CCDC169: variants seen among roughly 807,000 people sequenced by gnomAD.
CCDC169 encodes coiled-coil domain containing 169.
A neutral mutation model predicts 36.0 loss-of-function variants in CCDC169; 30 were observed. That is an observed-to-expected ratio of 0.83 (90% confidence interval 0.62 to 1.13). The LOEUF is 1.13. Among genes scored for constraint, CCDC169 ranks in the 50% most tolerant of loss-of-function variants. The pLI is 0.00. For synonymous variants in CCDC169, 85 were observed against 81.5 expected, an observed-to-expected ratio of 1.04 and a Z score of -0.23; for missense variants, 245 against 245.9, an observed-to-expected ratio of 1.00 and a Z score of 0.03.
chr13:36,238,776 C>A (rs1310168874), intron 7 of CCDC169, among the ~76,000 whole-genome samples: 1 of 152,146 alleles, frequency 6.6e-6, no homozygotes, highest in African/African-American at 2.4e-5. Flanking sequence ...TGAGGTACTT[C>A]ACTGGTAAAA....
chr13:36,278,194 A>G (rs1877075791), intron 4 of CCDC169, among the ~76,000 whole-genome samples: 1 of 152,200 alleles, frequency 6.6e-6, no homozygotes, highest in Non-Finnish European at 1.5e-5. Context: ...AACAGAGCTT[A>G]CTATGTCAGG....
At position 36,263,814 on chromosome 13, in the gene CCDC169, A is replaced by C. The variant is rs183846801; in HGVS notation, c.316-9671T>G. On this transcript the variant is annotated intron_variant, in intron 4 of 7. Coordinates refer to ENST00000239859, the MANE Select transcript of CCDC169 (RefSeq NM_001144981.3). ...TCAATAAAAGGTAAACATATGCAAG[A>C]AGCTAAACTGAATCATTTTATAGAA... Among the ~76,000 whole-genome samples the C allele has an allele frequency of 7.9e-5, 12 of 152,298 alleles. No individual in the cohort carries two copies. The East Asian group carries it at 2.3e-3, about 29-fold the overall frequency.
chr13:36,278,979 T>C (rs1480077439), intron 4 of CCDC169, among the ~76,000 whole-genome samples: 1 of 152,178 alleles, frequency 6.6e-6, no homozygotes, highest in East Asian at 1.9e-4. Flanking sequence ...AAGCCAAAAC[T>C]CTCAATTGTC....
At chr13:36,257,283 A>T (rs544332624) in intron 4 of CCDC169, among the ~76,000 whole-genome samples, 1 of 152,342 alleles carries the variant, frequency 6.6e-6, no homozygotes, top group Admixed American at 6.5e-5. Context: ...AGGTCAAAGC[A>T]GGGCTATCTC....
At chr13:36,253,547 G>C (rs1460326353) in intron 6 of CCDC169, among the ~76,000 whole-genome samples, 1 of 152,064 alleles carries the variant, frequency 6.6e-6, no homozygotes, top group Non-Finnish European at 1.5e-5. Context: ...ATGTTGACCA[G>C]GCTGGTCTCA....
chr13:36,293,391 G>A (rs1407586822), intron 2 of CCDC169, among the ~76,000 whole-genome samples: 1 of 152,116 alleles, frequency 6.6e-6, no homozygotes, highest in Non-Finnish European at 1.5e-5. Flanking sequence ...TCCTGTGGCA[G>A]ACTGTATTTT....
rs190581939 is a variant in CCDC169 at position 36,277,598 on chromosome 13, A to T, written c.315+5871T>A. On this transcript the variant is annotated intron_variant, in intron 4 of 7. Coordinates refer to ENST00000239859, the MANE Select transcript of CCDC169 (RefSeq NM_001144981.3). ...CTAAGTCCCGTTTTGGTGAATGCAC[A>T]TGTTAGAGACTAGAAAATGTACACC... Among the ~76,000 whole-genome samples the T allele has an allele frequency of 5.6e-3, 860 of 152,314 alleles. 14 individuals are homozygous for T. The highest frequency in any genetic ancestry group is 0.044 in the South Asian group (212 of 4,828).
At chr13:36,241,385 A>T (rs75933638) in intron 7 of CCDC169, among the ~76,000 whole-genome samples, 1 of 139,208 alleles carries the variant, frequency 7.2e-6, no homozygotes, top group South Asian at 2.4e-4. Flanking sequence ...CCATCATGTC[A>T]CAATTATTAT....
chr13:36,297,611 C>G, intron 1 of CCDC169, 26 bp downstream of exon 1: 1 of 1,546,462 alleles, frequency 6.5e-7, no homozygotes, highest in Non-Finnish European at 8.7e-7. Flanking sequence ...GGACGGGACC[C>G]CACACCGCGC....
downstream of CCDC169, among the ~76,000 whole-genome samples, chr13:36,230,347 G>A (rs1870280553): frequency 6.6e-6 from 1 of 152,152 alleles, no homozygotes; most frequent in African/African-American, 2.4e-5. Context: ...GACAAAAACA[G>A]TCTAACCATG....
chr13:36,252,347 A>G (rs1354703424), intron 6 of CCDC169, among the ~76,000 whole-genome samples: 1 of 152,234 alleles, frequency 6.6e-6, no homozygotes, highest in Non-Finnish European at 1.5e-5. Flanking sequence ...CTTAGTCAAC[A>G]CTACAACACA....
At chr13:36,230,646 T>A (rs573212454), downstream of CCDC169, 11 of 418,010 alleles carry the variant, frequency 2.6e-5, no homozygotes, top group Admixed American at 2.6e-4. Context: ...AAACATGAGG[T>A]GAAGGGACTT....
intron 7 of CCDC169, among the ~76,000 whole-genome samples, chr13:36,248,306 ATGT>A (rs1872737004): frequency 6.6e-6 from 1 of 152,056 alleles, no homozygotes; most frequent in African/African-American, 2.4e-5. Context: ...GCCTGTGTTT[ATGT>A]TGTTGTTAAT....
chr13:36,254,270 A>G (rs9546899), intron 4 of CCDC169, 127 bp from the exon 5 acceptor site: 181,379 of 457,468 alleles, frequency 0.4, 39,403 homozygotes, highest in Non-Finnish European at 0.43. Flanking sequence ...ATTCTATGAT[A>G]TGTACTTTTT....
chr13:36,274,695 C>T lies in CCDC169; in HGVS notation c.315+8774G>A, dbSNP rs148876495. On this transcript the variant is annotated intron_variant, in intron 4 of 7. Coordinates refer to ENST00000239859, the MANE Select transcript of CCDC169 (RefSeq NM_001144981.3). Reference sequence around the variant, plus strand: ...TCCAAGCAATAACATATTTCACCTACGATCTTGTTTTAATTTGCTTTTTAA... The same window carrying T: ...TCCAAGCAATAACATATTTCACCTATGATCTTGTTTTAATTTGCTTTTTAA... Among the ~76,000 whole-genome samples the T allele has an allele frequency of 7.2e-5, 11 of 152,198 alleles. No homozygotes were observed. The East Asian group carries it at 1.5e-3, about 21-fold the overall frequency.
At chr13:36,254,275 C>CAATTTTT in intron 4 of CCDC169, 132 bp from the exon 5 acceptor site, 2 of 364,692 alleles carry the variant, frequency 5.5e-6, no homozygotes, top group Non-Finnish European at 4.6e-6. Context: ...ATGATATGTA[C>CAATTTTT]TTTTTTTTTT....
chr13:36,225,032 C>T (rs1869789816), downstream of CCDC169: 1 of 152,022 alleles, frequency 6.6e-6, no homozygotes, highest in East Asian at 1.9e-4. Context: ...CAAAAATAGG[C>T]AATAAGGAAA....
intron 4 of CCDC169, among the ~76,000 whole-genome samples, chr13:36,261,162 A>G (rs1212756799): frequency 6.6e-6 from 1 of 152,226 alleles, no homozygotes; most frequent in Non-Finnish European, 1.5e-5. Flanking sequence ...AGGAGATAGC[A>G]TCTGGTTTCT....
downstream of CCDC169, among the ~76,000 whole-genome samples, chr13:36,229,545 T>TTG (rs1459210078): frequency 1.1e-4 from 16 of 147,724 alleles, no homozygotes; most frequent in South Asian, 4.3e-4. Context: ...ATAATGTTTT[T>TTG]TTTTTTTTTT....
Sources: allele counts gnomAD v4.1 joint callset (sites outside exome capture counted in the v4.1 genomes callset), GRCh38; gene constraint gnomAD v4.1.1; transcripts MANE v1.5; gene names NCBI Gene and HGNC (gene_info 2026-07-23, HGNC 2026-07-21).